The following ABR variants were observed in gnomAD, a reference collection of about 807,000 sequenced individuals.
ABR encodes the protein active breakpoint cluster region-related protein.
A neutral mutation model predicts 107.2 loss-of-function variants in ABR; 35 were observed. The ratio of observed to expected loss-of-function variants is 0.33; its 90% confidence interval spans 0.25 to 0.43. The LOEUF (loss-of-function observed/expected upper bound fraction) is 0.43. Among genes scored for constraint, ABR ranks in the 20% least tolerant of loss-of-function variants. The pLI is 1.00. For missense variants in ABR, 815 were observed against 1,115.2 expected (o/e 0.73, Z 3.83); for synonymous variants, 498 against 462.0 (o/e 1.08, Z -1.00).
At chr17:1,201,294 G>A (rs758688420) in intron 1 of ABR, among the ~76,000 whole-genome samples, 1 of 152,124 alleles carries the variant, frequency 6.6e-6, no homozygotes, top group Non-Finnish European at 1.5e-5. Flanking sequence ...GTGTCACGAC[G>A]TATTGAACCT....
At chr17:1,115,031 G>A (rs553897674) in intron 2 of ABR, among the ~76,000 whole-genome samples, 2 of 152,334 alleles carry the variant, frequency 1.3e-5, no homozygotes, top group South Asian at 4.1e-4. Context: ...TGAGGCCACA[G>A]AGGTAGGCAG....
chr17:1,218,515 T>C (rs1424514711), intron 1 of ABR, among the ~76,000 whole-genome samples: 2 of 152,206 alleles, frequency 1.3e-5, no homozygotes, highest in Non-Finnish European at 2.9e-5. Context: ...TGTGTTCCAA[T>C]CCTGGCTCTG....
intron 16 of ABR, among the ~76,000 whole-genome samples, chr17:1,042,461 G>C (rs1239310902): frequency 1.3e-5 from 2 of 150,162 alleles, no homozygotes; most frequent in Non-Finnish European, 3.0e-5. Context: ...AAACAGACGT[G>C]GCAGCTACAT....
At chr17:1,166,308 C>T (rs1173644312) in intron 1 of ABR, among the ~76,000 whole-genome samples, 2 of 152,060 alleles carry the variant, frequency 1.3e-5, no homozygotes, top group Non-Finnish European at 2.9e-5. Flanking sequence ...GGCCAAGAGT[C>T]TAGGTCCAGT....
chr17:1,016,417 A>G (rs1174919478), intron 16 of ABR, among the ~76,000 whole-genome samples: 1 of 150,978 alleles, frequency 6.6e-6, no homozygotes, highest in Non-Finnish European at 1.5e-5. Context: ...CCCGGGTTCA[A>G]GTGATTCTCC....
chr17:1,186,250 C>A (rs950520587), intron 1 of ABR, among the ~76,000 whole-genome samples: 3 of 152,232 alleles, frequency 2.0e-5, no homozygotes, highest in African/African-American at 7.2e-5. Flanking sequence ...ATGAGTCTGT[C>A]TTTTGCCCTC....
chr17:1,125,448 C>T lies in ABR; in HGVS notation c.62-81G>A, dbSNP rs529959939. ...CTGGTAGCGTAGTGGGCGCCGGCGG[C>T]GGCCCCCGGCAGCCATGGCCCCGGC... On this transcript the variant is annotated intron_variant, in intron 1 of 22. Transcript: ENST00000302538. 3.6e-5 allele frequency: 56 copies of T among 1,545,838 alleles called. No individual in the cohort carries two copies. In the African/African-American group the frequency reaches 6.4e-4, roughly 18 times the overall value.
At chr17:1,183,295 T>C (rs1048407506), upstream of ABR, among the ~76,000 whole-genome samples, 3 of 152,052 alleles carry the variant, frequency 2.0e-5, no homozygotes, top group Admixed American at 6.5e-5. Flanking sequence ...GGGCCAGTGC[T>C]CTCCACCCTC....
chr17:1,121,797 C>T (rs935729074), intron 2 of ABR, among the ~76,000 whole-genome samples: 1 of 152,080 alleles, frequency 6.6e-6, no homozygotes, highest in Non-Finnish European at 1.5e-5. Flanking sequence ...CACAGTGGGG[C>T]CTCCTCCCCA....
chr17:1,199,558 C>G (rs1260602179), intron 1 of ABR, among the ~76,000 whole-genome samples: 1 of 151,294 alleles, frequency 6.6e-6, no homozygotes, highest in Non-Finnish European at 1.5e-5. Context: ...AAGCAATTCT[C>G]CTGCCTCAGC....
intron 1 of ABR, among the ~76,000 whole-genome samples, chr17:1,144,584 CA>C (rs2040452141): frequency 7.9e-6 from 1 of 126,938 alleles, no homozygotes; most frequent in Non-Finnish European, 1.7e-5. Context: ...TTCAGTCAAT[CA>C]GGCAAAAAAA....
Position 1,179,520 on chromosome 17 carries a change from C to T in ABR, c.61+147G>A. ...ACCCGACCCCGATCCGGACCCCGATCTCGCCCCCGCCCGCGCTCCCCGGAC... is the reference window on the plus strand; with the variant it reads ...ACCCGACCCCGATCCGGACCCCGATTTCGCCCCCGCCCGCGCTCCCCGGAC... On this transcript the variant is annotated intron_variant, in intron 1 of 22. Coordinates refer to ENST00000302538, the MANE Select transcript of ABR (RefSeq NM_021962.5). This position sits in a 1 kb window ranked among gnomAD's most constrained non-coding sequence, Gnocchi z 4.9. 1 of 830,750 alleles carries T rather than the reference C, an allele frequency of 1.2e-6. No homozygotes were observed. Among genetic ancestry groups the T allele is most frequent in the Non-Finnish European group, 1.7e-6 (1 of 599,180 alleles). The allele number at this position is 830,750 out of a possible 1,614,324, so 51.5% of individuals were successfully genotyped here.
At chr17:1,117,757 C>T (rs62067950) in intron 2 of ABR, among the ~76,000 whole-genome samples, 58 of 63,876 alleles carry the variant, frequency 9.1e-4, no homozygotes, top group East Asian at 6.2e-3. Flanking sequence ...GCCTGAGTTC[C>T]TCCCAGCGTT....
chr17:1,098,369 G>A (rs181068383), intron 3 of ABR, among the ~76,000 whole-genome samples: 7 of 152,166 alleles, frequency 4.6e-5, no homozygotes, highest in African/African-American at 7.2e-5. Flanking sequence ...GAGACACGGC[G>A]CCCGGCCAAA....
intron 1 of ABR, among the ~76,000 whole-genome samples, chr17:1,178,483 G>C (rs2041990496): frequency 6.6e-6 from 1 of 151,544 alleles, no homozygotes; most frequent in Non-Finnish European, 1.5e-5. Context: ...AGAATCACTT[G>C]AACCCGGGAG....
At chr17:1,061,436 C>A (rs2033912114) in intron 10 of ABR, among the ~76,000 whole-genome samples, 1 of 152,236 alleles carries the variant, frequency 6.6e-6, no homozygotes, top group Non-Finnish European at 1.5e-5. Context: ...ACTCCTGGGG[C>A]TGTAATGGTG....
At position 1,200,914 on chromosome 17, in the gene ABR, A is replaced by C. The variant is rs2042659287; in HGVS notation, c.838+27879T>G. 6.6e-6 allele frequency among the ~76,000 whole-genome samples: 1 copy of C among 152,176 alleles called. No homozygotes were observed. The highest frequency in any genetic ancestry group is 1.5e-5 in the Non-Finnish European group (1 of 68,032). On this transcript the variant is annotated intron_variant, in intron 1 of 22. Transcript: ENST00000574139. This position sits in a 1 kb window ranked among gnomAD's most constrained non-coding sequence, Gnocchi z 4.1. ...TCCTCTGGGCAGGGCTACAGCTTAG[A>C]GACTGGGAGAAAGCCTTGGGGTTGG...
intron 1 of ABR, among the ~76,000 whole-genome samples, chr17:1,198,185 C>A (rs902005336): frequency 6.6e-6 from 1 of 151,628 alleles, no homozygotes; most frequent in Non-Finnish European, 1.5e-5. Flanking sequence ...TCTGCTCCCC[C>A]TCCCAGAGGC....
intron 4 of ABR, chr17:1,083,889 C>T (rs995428038): frequency 2.6e-5 from 11 of 422,294 alleles, no homozygotes; most frequent in Non-Finnish European, 4.8e-5. Context: ...CTTTGTTGGC[C>T]TGCTAGAAAT....
Sources: gnomAD v4.1 joint callset for allele counts (sites outside exome capture counted in the v4.1 genomes callset) on GRCh38, gnomAD v4.1.1 for gene constraint, Gnocchi (gnomAD v3.1) non-coding constraint, MANE v1.5 for transcripts, NCBI Gene and HGNC (gene_info 2026-07-23, HGNC 2026-07-21) for gene names.